Variants in LRP1B observed in about 807,000 individuals in gnomAD.
The protein encoded by LRP1B is LDL receptor related protein 1B.
Under a neutral mutation model 556.6 loss-of-function variants are expected in LRP1B, and 217 were observed. The observed-to-expected ratio is 0.39, with a 90% CI of 0.35 to 0.44. The LOEUF (loss-of-function observed/expected upper bound fraction) is 0.44. Ranked by LOEUF, LRP1B falls within the 20% of genes least tolerant of loss-of-function variation. The probability of loss-of-function intolerance (pLI) is 1.00; values close to 1 mark genes in which losing one functional copy is unlikely to be tolerated. For synonymous variants in LRP1B, 2,047 were observed against 1,865.8 expected (o/e 1.10, Z -2.50); for missense variants, 5,053 against 5,620.8 (o/e 0.90, Z 3.23).
intron 41 of LRP1B, 109 bp from the exon 42 acceptor site, chr2:140,601,748 A>G: frequency 3.4e-6 from 2 of 594,578 alleles, no homozygotes; most frequent in Non-Finnish European, 5.3e-6. Context: ...TTCATCAACC[A>G]TTTCTCCACA....
At position 140,475,202 on chromosome 2, in the gene LRP1B, T is replaced by C. The variant is rs148435391; in HGVS notation, c.9561A>G (p.Arg3187=). ...MALTIDYVNR[R]LYWADENHIE... ...TGTGATTTTCATCGGCCCAGTAGAG[T>C]CTACGATTAACATAATCTATTGTTA... Residue 3187 remains arginine (R), a synonymous_variant, in exon 60 of 91, where the codon AGA becomes AGG. Transcript: ENST00000389484. 3 of 1,611,372 alleles carry C rather than the reference T, an allele frequency of 1.9e-6. No individual in the cohort carries two copies. The highest frequency in any genetic ancestry group is 2.5e-6 in the Non-Finnish European group (3 of 1,178,514).
chr2:140,491,931 G>T (rs917875812), intron 57 of LRP1B, among the ~76,000 whole-genome samples: 1 of 152,168 alleles, frequency 6.6e-6, no homozygotes, highest in African/African-American at 2.4e-5. Flanking sequence ...CACAAGGAAA[G>T]TCTGAAAACA....
rs1489961488 is a variant in LRP1B at position 140,232,396 on chromosome 2, T to C, written c.*790A>G. On this transcript the variant is annotated 3_prime_UTR_variant, in exon 91 of 91. Coordinates refer to ENST00000389484, the MANE Select transcript of LRP1B (RefSeq NM_018557.3). ...GCCCTGTTGTGCTCTAGGCTGGCTATTTATCTCGAGACTGAGGGAGAATAA... is the reference window on the plus strand; with the variant it reads ...GCCCTGTTGTGCTCTAGGCTGGCTACTTATCTCGAGACTGAGGGAGAATAA... 3 of 151,500 alleles carry C rather than the reference T, an allele frequency of 2.0e-5. No homozygotes were observed. The highest frequency in any genetic ancestry group is 7.3e-5 in the African/African-American group (3 of 41,294). The allele number at this position is 151,500 out of a possible 1,614,324, so 9.4% of individuals were successfully genotyped here.
intron 7 of LRP1B, among the ~76,000 whole-genome samples, chr2:141,140,281 T>C (rs16845487): frequency 0.019 from 2,935 of 152,242 alleles, 87 homozygotes; most frequent in African/African-American, 0.067. Context: ...ATATATTTCA[T>C]CACGTCTTTC....
chr2:140,712,304 A>G (rs190399978), intron 37 of LRP1B, among the ~76,000 whole-genome samples: 46 of 152,172 alleles, frequency 3.0e-4, no homozygotes, highest in African/African-American at 1.1e-3. Context: ...ATTATGTTCA[A>G]AATTAAATAT....
chr2:140,888,608 A>G (rs917367899), intron 23 of LRP1B, among the ~76,000 whole-genome samples: 3 of 152,042 alleles, frequency 2.0e-5, no homozygotes, highest in Admixed American at 6.6e-5. Flanking sequence ...TTTTAATAAT[A>G]CACTTGAAAA....
At chr2:141,597,055 TACACACACACACACAC>T (rs35647921) in intron 2 of LRP1B, among the ~76,000 whole-genome samples, 1 of 147,258 alleles carries the variant, frequency 6.8e-6, no homozygotes, top group African/African-American at 2.5e-5. Context: ...TCTGACATTT[TACACACACACACACAC>T]ACACACACAC....
intron 2 of LRP1B, among the ~76,000 whole-genome samples, chr2:141,680,184 G>A (rs887048506): frequency 6.6e-5 from 10 of 151,914 alleles, no homozygotes; most frequent in Non-Finnish European, 1.0e-4. Flanking sequence ...TGCGAATTTC[G>A]AATCAAAATC....
At chr2:140,604,879 C>T (rs950595524) in intron 41 of LRP1B, among the ~76,000 whole-genome samples, 1 of 152,110 alleles carries the variant, frequency 6.6e-6, no homozygotes, top group African/African-American at 2.4e-5. Flanking sequence ...AGCAGTTCCA[C>T]TGCACACACC....
chr2:142,101,890 C>A (rs1706578925), intron 1 of LRP1B, among the ~76,000 whole-genome samples: 1 of 151,940 alleles, frequency 6.6e-6, no homozygotes. Context: ...GTTCTGAGAA[C>A]ATAAACCATT....
intron 35 of LRP1B, among the ~76,000 whole-genome samples, chr2:140,749,562 G>A (rs1173307975): frequency 2.6e-5 from 4 of 151,876 alleles, no homozygotes; most frequent in Non-Finnish European, 5.9e-5. Flanking sequence ...ATTAGCTTAG[G>A]CCTACACAAG....
intron 41 of LRP1B, among the ~76,000 whole-genome samples, chr2:140,647,911 C>T (rs1293794737): frequency 6.6e-6 from 1 of 152,112 alleles, no homozygotes; most frequent in East Asian, 1.9e-4. Context: ...GCTAGAAATA[C>T]CATTTGACCC....
In LRP1B at chr2:140,495,659, C is replaced by T. The variant is rs373974352; in HGVS notation, c.8940G>A (p.Gln2980=). 2.0e-5 allele frequency: 32 copies of T among 1,613,876 alleles called. No homozygotes were observed. The highest frequency in any genetic ancestry group is 2.3e-5 in the Non-Finnish European group (27 of 1,179,910). The change falls in exon 56 of 91, where the codon CAG becomes CAA. Residue 2980 remains glutamine, a synonymous_variant. Coordinates refer to ENST00000389484, the MANE Select transcript of LRP1B (RefSeq NM_018557.3). ...AAGTCCCGTATGTATTGATGCATTGCTGGCTACAGGGAAAGCCTGAAGAGC... is the reference window on the plus strand; with the variant it reads ...AAGTCCCGTATGTATTGATGCATTGTTGGCTACAGGGAAAGCCTGAAGAGC... The part of the protein sequence containing the change: ...DECSSGFPCS[Q]QCINTYGTYK...
intron 31 of LRP1B, among the ~76,000 whole-genome samples, chr2:140,821,527 AC>A (rs1447274236): frequency 2.6e-5 from 4 of 152,202 alleles, no homozygotes; most frequent in Non-Finnish European, 4.4e-5. Flanking sequence ...CATATCCAAG[AC>A]TTTTTTAAAA....
chr2:141,303,527 A>C (rs1686471390), intron 3 of LRP1B, among the ~76,000 whole-genome samples: 1 of 152,062 alleles, frequency 6.6e-6, no homozygotes, highest in Non-Finnish European at 1.5e-5. Flanking sequence ...ATATGAGTGA[A>C]CCTATGCAAT....
At chr2:142,029,368 C>T (rs947179906) in intron 1 of LRP1B, among the ~76,000 whole-genome samples, 1 of 151,888 alleles carries the variant, frequency 6.6e-6, no homozygotes, top group Non-Finnish European at 1.5e-5. Context: ...GTTGGCCAAG[C>T]ATCAATACAT....
chr2:140,998,004 A>T (rs1422943406), intron 15 of LRP1B, among the ~76,000 whole-genome samples: 2 of 151,990 alleles, frequency 1.3e-5, no homozygotes, highest in Non-Finnish European at 2.9e-5. Flanking sequence ...TGGGCTTCTA[A>T]ACTTTTTACT....
At chr2:141,469,187 A>G (rs1420917795) in intron 3 of LRP1B, among the ~76,000 whole-genome samples, 1 of 152,236 alleles carries the variant, frequency 6.6e-6, no homozygotes, top group African/African-American at 2.4e-5. Flanking sequence ...ATGTATGCCA[A>G]AAGTTTGGAA....
intron 2 of LRP1B, among the ~76,000 whole-genome samples, chr2:141,586,994 C>CTCA (rs1378829580): frequency 1.3e-5 from 2 of 148,958 alleles, no homozygotes; most frequent in Admixed American, 6.7e-5. Flanking sequence ...AGAGGAAATA[C>CTCA]TCATATATGA....
Sources: gnomAD v4.1 joint callset for allele counts (sites outside exome capture counted in the v4.1 genomes callset) on GRCh38, gnomAD v4.1.1 for gene constraint, MANE v1.5 for transcripts, NCBI Gene and HGNC (gene_info 2026-07-23, HGNC 2026-07-21) for gene names.